Variants in GPHN observed in about 807,000 individuals in gnomAD.
GPHN encodes the protein gephyrin.
Under a neutral mutation model 95.5 loss-of-function variants are expected in GPHN, and 17 were observed. The observed-to-expected ratio is 0.18, with a 90% confidence interval of 0.12 to 0.27. The LOEUF is 0.27. Among genes scored for constraint, GPHN ranks in the 10% least tolerant of loss-of-function variants. GPHN has a pLI of 1.00. For synonymous variants in GPHN, 320 were observed against 322.5 expected, an observed-to-expected ratio of 0.99 and a Z score of 0.08; for missense variants, 660 against 978.1, an observed-to-expected ratio of 0.67 and a Z score of 4.34.
At chr14:67,642,092 T>G in the GPHN span, 1 of 1,185,900 alleles carries the variant, frequency 8.4e-7, no homozygotes, top group Non-Finnish European at 1.2e-6. Flanking sequence ...GATTATGATG[T>G]GTACTTTGTC....
intron 12 of GPHN, among the ~76,000 whole-genome samples, chr14:67,090,483 G>A (rs2077103523): frequency 1.3e-5 from 2 of 151,946 alleles, no homozygotes; most frequent in South Asian, 4.1e-4. Flanking sequence ...ATGTGTATAG[G>A]ATATATATGA....
chr14:66,723,050 T>A (rs8012315), intron 2 of GPHN, among the ~76,000 whole-genome samples: 47,092 of 151,794 alleles, frequency 0.31, 11,084 homozygotes, highest in African/African-American at 0.63. Flanking sequence ...GGTTTTTTCC[T>A]GATTAGATTT....
At chr14:67,542,804 G>A in the GPHN span, among the ~76,000 whole-genome samples, 4 of 152,254 alleles carry the variant, frequency 2.6e-5, no homozygotes, top group East Asian at 1.9e-4. Context: ...GGGCTCAAGC[G>A]ATTCTCCTGC....
chr14:67,301,375 T>C, the GPHN span: 3,492 of 1,587,726 alleles, frequency 2.2e-3, 55 homozygotes, highest in African/African-American at 0.035. Flanking sequence ...ATAATCTTTA[T>C]TTTTGTTTCT....
the GPHN span, among the ~76,000 whole-genome samples, chr14:67,545,759 T>C: frequency 6.6e-6 from 1 of 152,190 alleles, no homozygotes; most frequent in Non-Finnish European, 1.5e-5. Flanking sequence ...GTAAGATCAG[T>C]AAATCTCAAA....
At chr14:67,245,557 C>G in the GPHN span, among the ~76,000 whole-genome samples, 1 of 151,942 alleles carries the variant, frequency 6.6e-6, no homozygotes, top group South Asian at 2.1e-4. Flanking sequence ...CACTATGTTT[C>G]CCAGGCTGGT....
chr14:67,394,562 C>A, the GPHN span, among the ~76,000 whole-genome samples: 4 of 152,026 alleles, frequency 2.6e-5, no homozygotes, highest in Non-Finnish European at 5.9e-5. Context: ...CCACCTAGAC[C>A]CATAGGAGGT....
the GPHN span, among the ~76,000 whole-genome samples, chr14:67,705,054 A>T: frequency 1.3e-5 from 2 of 152,228 alleles, no homozygotes; most frequent in Non-Finnish European, 2.9e-5. Flanking sequence ...AAGGCTGTTG[A>T]GGCAGAAATA....
chr14:67,568,710 G>C, the GPHN span, among the ~76,000 whole-genome samples: 2 of 152,124 alleles, frequency 1.3e-5, no homozygotes, highest in African/African-American at 2.4e-5. Context: ...GGCCGCAGTG[G>C]CTTCCTCATT....
At chr14:66,730,809 A>T (rs981542285) in intron 2 of GPHN, among the ~76,000 whole-genome samples, 1 of 152,240 alleles carries the variant, frequency 6.6e-6, no homozygotes, top group Non-Finnish European at 1.5e-5. Flanking sequence ...GTAAATATAT[A>T]TGTGGAATAC....
intron 4 of GPHN, among the ~76,000 whole-genome samples, chr14:66,874,359 A>T (rs1405465760): frequency 6.6e-6 from 1 of 152,222 alleles, no homozygotes; most frequent in East Asian, 1.9e-4. Flanking sequence ...CTTCCAAAGG[A>T]TCACAACTCC....
intron 2 of GPHN, among the ~76,000 whole-genome samples, chr14:66,686,178 C>T (rs2067347843): frequency 6.6e-6 from 1 of 152,124 alleles, no homozygotes; most frequent in African/African-American, 2.4e-5. Flanking sequence ...AGTCAGGTAG[C>T]ATGATGCCTC....
intron 1 of GPHN, among the ~76,000 whole-genome samples, chr14:66,529,092 A>C (rs939079934): frequency 6.6e-6 from 1 of 152,090 alleles, no homozygotes; most frequent in Non-Finnish European, 1.5e-5. Context: ...CATCACTTTC[A>C]TGTACACCAA....
chr14:67,570,359 C>T, the GPHN span: 14 of 919,246 alleles, frequency 1.5e-5, no homozygotes, highest in Non-Finnish European at 1.8e-5. Flanking sequence ...ACTTATATTC[C>T]CGTAACGTCA....
At chr14:67,605,838 A>G in the GPHN span, among the ~76,000 whole-genome samples, 1 of 151,784 alleles carries the variant, frequency 6.6e-6, no homozygotes, top group Non-Finnish European at 1.5e-5. Flanking sequence ...GCGCACCCCC[A>G]TGTCTGGCTA....
chr14:67,351,910 C>T, the GPHN span, among the ~76,000 whole-genome samples: 1 of 111,998 alleles, frequency 8.9e-6, no homozygotes, highest in South Asian at 3.7e-4. Context: ...AGAACCTCTA[C>T]CAAAAAAAAA....
At chr14:67,519,276 T>C in the GPHN span, among the ~76,000 whole-genome samples, 1 of 152,150 alleles carries the variant, frequency 6.6e-6, no homozygotes, top group Non-Finnish European at 1.5e-5. Flanking sequence ...GAAATTTCAT[T>C]GGAAAAGAAT....
At chr14:67,530,732 C>T in the GPHN span, among the ~76,000 whole-genome samples, 2 of 152,240 alleles carry the variant, frequency 1.3e-5, no homozygotes, top group Middle Eastern at 6.8e-3. Context: ...AGATTATTTG[C>T]CCTTGCATGA....
chr14:67,279,460 C>A, the GPHN span: 8 of 1,611,844 alleles, frequency 5.0e-6, no homozygotes, highest in African/African-American at 8.0e-5. Flanking sequence ...CCTCCAAAGA[C>A]CGGAATAGAT....
Sources: gnomAD v4.1 joint callset for allele counts (sites outside exome capture counted in the v4.1 genomes callset) on GRCh38, gnomAD v4.1.1 for gene constraint, MANE v1.5 for transcripts, NCBI Gene and HGNC (gene_info 2026-07-23, HGNC 2026-07-21) for gene names.